The following TEX101 variants were observed in gnomAD, a reference collection of about 807,000 sequenced individuals.
TEX101 encodes testis-expressed protein 101.
A neutral mutation model predicts 18.1 loss-of-function variants in TEX101; 10 were observed. That is an observed-to-expected ratio of 0.55 (90% confidence interval 0.34 to 0.94). The LOEUF is 0.94. Ranked by LOEUF, TEX101 falls within the 40% of genes least tolerant of loss-of-function variation. The pLI is 0.02. For missense variants in TEX101, 259 were observed against 298.9 expected, an observed-to-expected ratio of 0.87 and a Z score of 0.98; for synonymous variants, 94 against 114.8, an observed-to-expected ratio of 0.82 and a Z score of 1.16.
At chr19:43,410,873 ATTT>A (rs552427164), upstream of TEX101, among the ~76,000 whole-genome samples, 1 of 151,652 alleles carries the variant, frequency 6.6e-6, no homozygotes, top group African/African-American at 2.4e-5. Context: ...CAAAAAAAAA[ATTT>A]TTTTTTGAGA....
intron 3 of TEX101, among the ~76,000 whole-genome samples, chr19:43,406,934 T>TTG (rs201641219): frequency 7.1e-4 from 77 of 108,362 alleles, no homozygotes; most frequent in African/African-American, 2.6e-3. Flanking sequence ...GTTTTTTGTT[T>TTG]TTTTTTTTTT....
chr19:43,389,253 C>T, the TEX101 span, among the ~76,000 whole-genome samples: 1 of 152,244 alleles, frequency 6.6e-6, no homozygotes, highest in South Asian at 2.1e-4. Context: ...CCGGAAAGTT[C>T]ATTTTCCCAG....
chr19:43,396,143 G>GCCT, the TEX101 span, among the ~76,000 whole-genome samples: 27 of 152,284 alleles, frequency 1.8e-4, no homozygotes. Flanking sequence ...AGAGCCCACA[G>GCCT]CCTCACAGGC....
the TEX101 span, among the ~76,000 whole-genome samples, chr19:43,391,524 G>A: frequency 1.4e-5 from 2 of 142,342 alleles, no homozygotes; most frequent in Non-Finnish European, 3.0e-5. Context: ...ATCTTTTCAT[G>A]TGCTTATTGG....
At chr19:43,389,796 A>C in the TEX101 span, among the ~76,000 whole-genome samples, 1,166 of 152,006 alleles carry the variant, frequency 7.7e-3, 17 homozygotes, top group African/African-American at 0.027. Context: ...TCACTCCTTT[A>C]TGTCCCTTCC....
At chr19:43,406,305 G>GC in exon 3 of TEX101, 1 of 545,760 alleles carries the variant, frequency 1.8e-6, no homozygotes, top group Non-Finnish European at 3.2e-6. Flanking sequence ...AAGAGCCAAT[G>GC]CCCCATGTAA....
chr19:43,417,824 C>A, intron 4 of TEX101, 54 bp from the exon 5 acceptor site: 1 of 1,606,008 alleles, frequency 6.2e-7, no homozygotes, highest in East Asian at 2.2e-5. Flanking sequence ...CAGCAAGGAG[C>A]AACATCTCTG....
At chr19:43,416,011 C>T (rs751042730) in intron 2 of TEX101, 28 bp downstream of exon 2, 10 of 1,612,816 alleles carry the variant, frequency 6.2e-6, no homozygotes, top group South Asian at 4.4e-5. Flanking sequence ...AGGGGAGAGC[C>T]GTGTGTCACA....
At chr19:43,390,486 G>A in the TEX101 span, among the ~76,000 whole-genome samples, 1 of 3,620 alleles carries the variant, frequency 2.8e-4, no homozygotes, top group Non-Finnish European at 7.5e-4. Flanking sequence ...TTTTTTTTTT[G>A]AGAAGAGTTC....
intron 3 of TEX101, among the ~76,000 whole-genome samples, chr19:43,409,470 G>C (rs553074823): frequency 6.6e-6 from 1 of 152,178 alleles, no homozygotes; most frequent in South Asian, 2.1e-4. Context: ...GTACAGATTG[G>C]TCAAATTGCA....
chr19:43,411,004 A>C (rs1404960418), upstream of TEX101, among the ~76,000 whole-genome samples: 1 of 152,074 alleles, frequency 6.6e-6, no homozygotes, highest in East Asian at 1.9e-4. Context: ...AGCCTCCCAA[A>C]GTGTTGGGAT....
upstream of TEX101, among the ~76,000 whole-genome samples, chr19:43,412,188 G>A (rs1265111140): frequency 1.3e-5 from 2 of 152,192 alleles, no homozygotes; most frequent in Admixed American, 6.5e-5. Flanking sequence ...TACAGGAAGC[G>A]TGGTGCCAGC....
rs1296581225 is a variant in TEX101 at position 43,416,708 on chromosome 19, T to A, written c.391+153T>A. Among the ~76,000 whole-genome samples the A allele has an allele frequency of 5.3e-5, 8 of 152,324 alleles. No homozygotes were observed. The East Asian group carries it at 1.5e-3, about 29-fold the overall frequency. On this transcript the variant is annotated intron_variant, in intron 4 of 5. Transcript: ENST00000598265. ...TAATTTTATGTTTCTGAATTGTTCA[T>A]TGGGATCTAAACACTGCTCAGAGCA...
chr19:43,417,825 A>G, intron 4 of TEX101, 53 bp from the exon 5 acceptor site: 3 of 1,607,280 alleles, frequency 1.9e-6, no homozygotes, highest in Non-Finnish European at 1.7e-6. Context: ...AGCAAGGAGC[A>G]ACATCTCTGG....
intron 3 of TEX101, among the ~76,000 whole-genome samples, chr19:43,407,836 T>C (rs1374928394): frequency 6.6e-6 from 1 of 152,224 alleles, no homozygotes; most frequent in African/African-American, 2.4e-5. Context: ...CTCATTGTCT[T>C]GGGAAACCGG....
In TEX101 at chr19:43,416,602, G is replaced by A. The variant is rs772925515; in HGVS notation, c.391+47G>A. 7 of 1,568,396 alleles carry A rather than the reference G, an allele frequency of 4.5e-6. No homozygotes were observed. In the African/African-American group the frequency reaches 8.1e-5, roughly 18 times the overall value. On this transcript the variant is annotated intron_variant, in intron 4 of 5. Transcript: ENST00000598265. ...TAGGTACTAAGAGAAACTCCATAAAGAGCTTGTGTATGGCCTCCCTTTGCA... is the reference window on the plus strand; with the variant it reads ...TAGGTACTAAGAGAAACTCCATAAAAAGCTTGTGTATGGCCTCCCTTTGCA...
intron 3 of TEX101, among the ~76,000 whole-genome samples, chr19:43,406,710 C>T (rs1381351109): frequency 6.6e-6 from 1 of 152,030 alleles, no homozygotes; most frequent in African/African-American, 2.4e-5. Context: ...CCGAAGGGAG[C>T]GCAGGAAGAC....
intron 2 of TEX101, chr19:43,406,175 C>A: frequency 4.1e-6 from 1 of 242,292 alleles, no homozygotes; most frequent in Non-Finnish European, 7.8e-6. Context: ...TAAAACAAAA[C>A]ACAGCTTAGG....
At chr19:43,391,079 C>T in the TEX101 span, among the ~76,000 whole-genome samples, 9 of 152,280 alleles carry the variant, frequency 5.9e-5, no homozygotes, top group Admixed American at 6.5e-5. Flanking sequence ...TCAGAACCAC[C>T]CTTCTTGTTA....
Sources: allele counts gnomAD v4.1 joint callset (sites outside exome capture counted in the v4.1 genomes callset), GRCh38; gene constraint gnomAD v4.1.1; transcripts MANE v1.5; gene names NCBI Gene and HGNC (gene_info 2026-07-23, HGNC 2026-07-21).